Variants in CREBBP observed in about 807,000 individuals in gnomAD.
CREBBP encodes CREB-binding protein.
CREBBP carries 19 observed loss-of-function variants against 265.0 expected under a neutral mutation model. The ratio of observed to expected loss-of-function variants is 0.07; its 90% CI spans 0.05 to 0.11. The LOEUF is 0.11. Ranked by LOEUF, CREBBP falls within the 10% of genes least tolerant of loss-of-function variation. The pLI is 1.00. For synonymous variants in CREBBP, 1,457 were observed against 1,223.7 expected (o/e 1.19, Z -3.98); for missense variants, 2,525 against 3,219.0 (o/e 0.78, Z 5.22).
At chr16:3,759,011 G>C in intron 16 of CREBBP, 39 bp from the exon 17 acceptor site, 16 of 1,468,690 alleles carry the variant, frequency 1.1e-5, no homozygotes, top group Non-Finnish European at 1.4e-5. Flanking sequence ...TTTGTAAAAG[G>C]TGCTCAGATC....
intron 1 of CREBBP, among the ~76,000 whole-genome samples, chr16:3,869,559 C>T (rs1247145873): frequency 2.0e-5 from 3 of 152,074 alleles, no homozygotes; most frequent in Admixed American, 6.5e-5. Context: ...TGTCCAATAC[C>T]GTAGTGACTA....
chr16:3,872,868 A>G (rs1015927179), intron 1 of CREBBP, among the ~76,000 whole-genome samples: 2 of 152,240 alleles, frequency 1.3e-5, no homozygotes, highest in Non-Finnish European at 2.9e-5. Flanking sequence ...AAGAGCTGTC[A>G]CAGGAGCCCA....
rs747877878 is a variant in CREBBP, at chr16:3,770,835, G to A, written c.2615C>T (p.Thr872Met). 1.4e-5 allele frequency: 22 copies of A among 1,613,900 alleles called. No individual in the cohort carries two copies. The highest frequency in any genetic ancestry group is 1.8e-5 in the Non-Finnish European group (21 of 1,179,998). ...TAAGMPSLQH[T>M]TPPGMTPPQP... The stretch of plus-strand genomic sequence containing the variant: ...GGGAGGAGTCATCCCAGGTGGTGTC[G>A]TGTGCTGGAGAGATGGCATGCCAGC... The change falls in exon 14 of 31, where the codon ACG becomes ATG. Residue 872 changes from threonine to methionine, a missense_variant. Around this residue, in one of 19 missense-constraint regions of CREBBP, gnomAD observed 548 missense variants for 533.0 expected, o/e 1.03. Coordinates refer to ENST00000262367, the MANE Select transcript of CREBBP (RefSeq NM_004380.3).
rs1232109765 is a variant in CREBBP, at chr16:3,725,634, G to C, written c.*2084C>G. On this transcript the variant is annotated 3_prime_UTR_variant, in exon 31 of 31. Transcript: ENST00000262367. ...GGCTGGTCAGGGGTGCCAGATGGTG[G>C]TCTTATTTTTACTTGAATTATTCTG... 1 of 233,206 alleles carries C rather than the reference G, an allele frequency of 4.3e-6. No homozygotes were observed. The highest frequency in any genetic ancestry group is 6.0e-5 in the East Asian group (1 of 16,610). 14.4% of individuals were successfully genotyped at this position (233,206 alleles called of 1,614,324 possible). A position where few individuals can be genotyped will look rare whatever the true frequency, so the allele number is the denominator to read the frequency against.
At chr16:3,827,311 A>T (rs1252653802) in intron 2 of CREBBP, among the ~76,000 whole-genome samples, 1 of 152,238 alleles carries the variant, frequency 6.6e-6, no homozygotes, top group Non-Finnish European at 1.5e-5. Flanking sequence ...TAAAAAACTC[A>T]GAACATAAAA....
intron 1 of CREBBP, among the ~76,000 whole-genome samples, chr16:3,857,099 T>A (rs1260749065): frequency 1.3e-5 from 2 of 152,156 alleles, no homozygotes; most frequent in Non-Finnish European, 1.5e-5. Context: ...ACTTCACCCA[T>A]CATCCTGCCA....
intron 2 of CREBBP, among the ~76,000 whole-genome samples, chr16:3,847,424 G>T (rs939795486): frequency 2.6e-5 from 4 of 152,110 alleles, no homozygotes; most frequent in African/African-American, 4.8e-5. Context: ...GGTTTAAAAT[G>T]GACTTGTCTC....
chr16:3,726,228 G>C lies in CREBBP; in HGVS notation c.*1490C>G, dbSNP rs944004010. On this transcript the variant is annotated 3_prime_UTR_variant, in exon 31 of 31. Coordinates refer to ENST00000262367, the MANE Select transcript of CREBBP (RefSeq NM_004380.3). ...GGAGCACTCTCTGCCTCAGATTCTG[G>C]GAGTCGTGTACGGGGGGGGGGAGCC... is the stretch of plus-strand genomic sequence containing the variant. 3.0e-5 allele frequency: 7 copies of C among 230,150 alleles called. No homozygotes were observed. Among genetic ancestry groups the C allele is most frequent in the African/African-American group, 6.7e-5 (3 of 44,604 alleles). 14.3% of individuals were successfully genotyped at this position (230,150 alleles called of 1,614,324 possible). A position where few individuals can be genotyped will look rare whatever the true frequency, so the allele number is the denominator to read the frequency against.
At chr16:3,777,729 G>A in intron 10 of CREBBP, 72 bp from the exon 11 acceptor site, 1 of 1,567,980 alleles carries the variant, frequency 6.4e-7, no homozygotes, top group Non-Finnish European at 8.8e-7. Context: ...TCAGGAATAG[G>A]AAATTTCTTA....
chr16:3,849,432 T>TGTGTGTGTG (rs1567360240), intron 2 of CREBBP, among the ~76,000 whole-genome samples: 14 of 9,088 alleles, frequency 1.5e-3, no homozygotes, highest in Non-Finnish European at 9.7e-3. Context: ...TGTGTGTGTG[T>TGTGTGTGTG]GTGTGTGTGT....
chr16:3,748,464 G>A (rs532575944), intron 21 of CREBBP, among the ~76,000 whole-genome samples: 15 of 152,274 alleles, frequency 9.9e-5, no homozygotes, highest in Non-Finnish European at 2.1e-4. Context: ...TCACATCATC[G>A]TCCTGTCTGT....
At chr16:3,785,605 G>A (rs891999106) in intron 5 of CREBBP, among the ~76,000 whole-genome samples, 3 of 152,210 alleles carry the variant, frequency 2.0e-5, no homozygotes, top group Admixed American at 6.5e-5. Context: ...CCAGCACATC[G>A]TGGGCCCTCG....
chr16:3,871,544 T>A (rs971124188), intron 1 of CREBBP, among the ~76,000 whole-genome samples: 6 of 152,250 alleles, frequency 3.9e-5, no homozygotes, highest in Admixed American at 6.5e-5. Flanking sequence ...CTGAATGTCC[T>A]CATTCAGTTT....
intron 2 of CREBBP, among the ~76,000 whole-genome samples, chr16:3,845,107 A>G (rs1555495576): frequency 6.6e-6 from 1 of 152,226 alleles, no homozygotes; most frequent in Non-Finnish European, 1.5e-5. Flanking sequence ...AAATTTATCT[A>G]ACACAGTGGG....
At chr16:3,761,986 C>T (rs973301352) in intron 16 of CREBBP, among the ~76,000 whole-genome samples, 1 of 152,166 alleles carries the variant, frequency 6.6e-6, no homozygotes, top group South Asian at 2.1e-4. Context: ...ATGGATTTCA[C>T]ATTGTTTAAT....
At chr16:3,749,028 T>A (rs887378198) in intron 21 of CREBBP, among the ~76,000 whole-genome samples, 1 of 152,056 alleles carries the variant, frequency 6.6e-6, no homozygotes, top group African/African-American at 2.4e-5. Flanking sequence ...GCGCCTGTAG[T>A]CCCAGCTACT....
intron 2 of CREBBP, among the ~76,000 whole-genome samples, chr16:3,847,238 T>C (rs1399385570): frequency 3.9e-5 from 6 of 152,234 alleles, no homozygotes; most frequent in Non-Finnish European, 8.8e-5. Flanking sequence ...CATTATGTAT[T>C]TTAAATCTTT....
At chr16:3,803,059 A>C (rs1308205171) in intron 3 of CREBBP, among the ~76,000 whole-genome samples, 2 of 152,070 alleles carry the variant, frequency 1.3e-5, no homozygotes, top group Non-Finnish European at 2.9e-5. Context: ...AAGAAGCGAT[A>C]ATCACCTCAG....
intron 2 of CREBBP, among the ~76,000 whole-genome samples, chr16:3,837,506 C>T (rs1187066433): frequency 6.6e-6 from 1 of 151,842 alleles, no homozygotes; most frequent in Non-Finnish European, 1.5e-5. Context: ...GTCCCAGCTA[C>T]TCGGGAGGCT....
Sources: allele counts gnomAD v4.1 joint callset (sites outside exome capture counted in the v4.1 genomes callset), GRCh38; gene constraint gnomAD v4.1.1; regional missense constraint gnomAD v4.1.1; transcripts MANE v1.5; gene names NCBI Gene and HGNC (gene_info 2026-07-23, HGNC 2026-07-21).